Variants in LAMTOR5 observed in about 807,000 individuals in gnomAD.
LAMTOR5 encodes the protein ragulator complex protein LAMTOR5.
A neutral mutation model predicts 12.1 loss-of-function variants in LAMTOR5; 8 were observed. The ratio of observed to expected loss-of-function variants is 0.66; its 90% CI spans 0.39 to 1.19. The LOEUF (loss-of-function observed/expected upper bound fraction) is 1.19, where lower values mean the gene tolerates loss of function less well. LAMTOR5 is among the 50% of genes most tolerant of loss of function. The pLI is 0.01. For missense variants in LAMTOR5, 110 were observed against 112.8 expected, an observed-to-expected ratio of 0.97 and a Z score of 0.11; for synonymous variants, 37 against 41.9, an observed-to-expected ratio of 0.88 and a Z score of 0.45.
chr1:110,407,785 C>T, upstream of LAMTOR5: 2 of 1,614,190 alleles, frequency 1.2e-6, no homozygotes, highest in Non-Finnish European at 8.5e-7. Context: ...GAAAACATCA[C>T]TGCGCTTCCG....
In LAMTOR5 at chr1:110,406,956, G is replaced by C. The variant is rs184735826; in HGVS notation, c.36-577C>G. ...ACAAACACTGCGTGAAAAACATCTA[G>C]GATGTTTTCACTCTTGTTAAAAACG... On this transcript the variant is annotated intron_variant, in intron 1 of 3. Coordinates refer to ENST00000602318, the MANE Select transcript of LAMTOR5 (RefSeq NM_001382293.1). 157 of 626,130 alleles carry C rather than the reference G, an allele frequency of 2.5e-4. No individual in the cohort carries two copies. The East Asian group carries it at 4.4e-3, about 18-fold the overall frequency. The allele number at this position is 626,130 out of a possible 1,614,324, so 38.8% of individuals were successfully genotyped here. A position where few individuals can be genotyped will look rare whatever the true frequency, so the allele number is the denominator to read the frequency against.
chr1:110,407,621 C>T lies in LAMTOR5; in HGVS notation c.-1G>A, dbSNP rs376518235. 1.9e-5 allele frequency: 31 copies of T among 1,614,196 alleles called. No homozygotes were observed. In the South Asian group the frequency reaches 3.4e-4, roughly 18 times the overall value. On this transcript the variant is annotated 5_prime_UTR_variant, in exon 1 of 4. Coordinates refer to ENST00000602318, the MANE Select transcript of LAMTOR5 (RefSeq NM_001382293.1). ...AGTGCTGCTCCAAGGTCGCCTCCAT[C>T]CCACCCACCGACCACTCCGGCTCAG...
intron 1 of LAMTOR5, 195 bp from the exon 2 acceptor site, chr1:110,406,574 C>G: frequency 2.5e-6 from 1 of 394,222 alleles, no homozygotes. Context: ...CCTGTAATCC[C>G]AGCACTTTGG....
chr1:110,407,640 G>A lies in LAMTOR5; in HGVS notation c.-20C>T, dbSNP rs756993252. On this transcript the variant is annotated 5_prime_UTR_variant, in exon 1 of 4. Coordinates refer to ENST00000602318, the MANE Select transcript of LAMTOR5 (RefSeq NM_001382293.1). ...CTCCATCCCACCCACCGACCACTCC[G>A]GCTCAGAACCCAGCGGCACGGCACG... 2 of 1,614,212 alleles carry A rather than the reference G, an allele frequency of 1.2e-6. No individual in the cohort carries two copies. Among genetic ancestry groups the A allele is most frequent in the East Asian group, 2.2e-5 (1 of 44,882 alleles).
chr1:110,407,345 G>A (rs1663354226), intron 1 of LAMTOR5: 2 of 603,028 alleles, frequency 3.3e-6, no homozygotes, highest in Admixed American at 3.0e-5. Context: ...GTTTTGGCCC[G>A]TGGCCTGGGC....
In LAMTOR5 at chr1:110,401,291, T is replaced by C; in HGVS notation, c.*232A>G. 2.7e-6 allele frequency: 1 copy of C among 372,044 alleles called. No homozygotes were observed. The allele number at this position is 372,044 out of a possible 1,614,324, so 23.0% of individuals were successfully genotyped here. Reference sequence around the variant, plus strand: ...AGATTTATTGAATACAGCAAAATTCTATATACAAAGTGACCTGGACCTGCT... The same window carrying C: ...AGATTTATTGAATACAGCAAAATTCCATATACAAAGTGACCTGGACCTGCT... On this transcript the variant is annotated 3_prime_UTR_variant, in exon 4 of 4. Coordinates refer to ENST00000602318, the MANE Select transcript of LAMTOR5 (RefSeq NM_001382293.1).
At chr1:110,403,709 C>A in intron 3 of LAMTOR5, 2 of 563,412 alleles carry the variant, frequency 3.5e-6, no homozygotes, top group South Asian at 4.0e-5. Context: ...TAGCTTCTGC[C>A]AATTCTTATT....
chr1:110,404,903 C>G (rs2101110310), intron 2 of LAMTOR5, among the ~76,000 whole-genome samples: 1 of 151,998 alleles, frequency 6.6e-6, no homozygotes, highest in Admixed American at 6.5e-5. Flanking sequence ...CAAAAATTAT[C>G]TGGGCGTGGT....
rs1663365534 is a variant in LAMTOR5, at chr1:110,407,670, TCTC to T, written c.-53_-51del. Reference sequence around the variant, plus strand: ...AGAACCCAGCGGCACGGCACGTCCTTCTCCACCACAGGCCTCAGTCACTTGACG... The same window carrying T: ...AGAACCCAGCGGCACGGCACGTCCTTCACCACAGGCCTCAGTCACTTGACG... On this transcript the variant is annotated 5_prime_UTR_variant, in exon 1 of 4. Transcript: ENST00000602318. 3 of 1,614,098 alleles carry T rather than the reference TCTC, an allele frequency of 1.9e-6. No individual in the cohort carries two copies. The highest frequency in any genetic ancestry group is 4.5e-5 in the East Asian group (2 of 44,876).
At chr1:110,401,934 A>T (rs1021655061) in intron 3 of LAMTOR5, among the ~76,000 whole-genome samples, 3 of 152,174 alleles carry the variant, frequency 2.0e-5, no homozygotes, top group Non-Finnish European at 2.9e-5. Context: ...TACAAAAAAA[A>T]GGCTTTACTG....
chr1:110,406,171 T>C, intron 2 of LAMTOR5, 147 bp downstream of exon 2: 1 of 461,328 alleles, frequency 2.2e-6, no homozygotes, highest in Non-Finnish European at 3.8e-6. Context: ...TCTGATACTG[T>C]TATTTGGAGA....
At chr1:110,404,664 A>C (rs537714587) in intron 2 of LAMTOR5, among the ~76,000 whole-genome samples, 1 of 152,276 alleles carries the variant, frequency 6.6e-6, no homozygotes, top group African/African-American at 2.4e-5. Context: ...TACCTTTCCA[A>C]ACTTATTTCC....
chr1:110,403,834 A>G (rs1663273166), intron 3 of LAMTOR5, 85 bp downstream of exon 3: 1 of 1,539,760 alleles, frequency 6.5e-7, no homozygotes, highest in African/African-American at 1.4e-5. Context: ...ATAAGGAATC[A>G]CTGATGAACA....
rs138112058 is a variant in LAMTOR5 at position 110,407,654 on chromosome 1, C to G, written c.-34G>C. 1,783 of 1,614,156 alleles carry G rather than the reference C, an allele frequency of 1.1e-3. 21 individuals are homozygous for G. The African/African-American group carries it at 0.022, about 20-fold the overall frequency. ...CCGACCACTCCGGCTCAGAACCCAG[C>G]GGCACGGCACGTCCTTCTCCACCAC... On this transcript the variant is annotated 5_prime_UTR_variant, in exon 1 of 4. Transcript: ENST00000602318.
intron 1 of LAMTOR5, 73 bp from the exon 2 acceptor site, chr1:110,406,452 G>A (rs1294887061): frequency 1.3e-5 from 13 of 996,132 alleles, no homozygotes; most frequent in Admixed American, 1.2e-4. Flanking sequence ...CAAACATACA[G>A]GTGTTCTATG....
At chr1:110,405,193 T>G (rs1663304314) in intron 2 of LAMTOR5, among the ~76,000 whole-genome samples, 1 of 152,022 alleles carries the variant, frequency 6.6e-6, no homozygotes, top group African/African-American at 2.4e-5. Context: ...AGAGTCTCGC[T>G]CTTGTCATCC....
intron 1 of LAMTOR5, chr1:110,407,357 C>T (rs1663354538): frequency 3.2e-6 from 2 of 620,200 alleles, no homozygotes; most frequent in African/African-American, 3.7e-5. Flanking sequence ...GGCCTGGGCC[C>T]GGGAGACTCG....
At chr1:110,407,695 G>A (rs759908023), upstream of LAMTOR5, 3 of 1,614,226 alleles carry the variant, frequency 1.9e-6, no homozygotes, top group African/African-American at 4.0e-5. Context: ...TCAGTCACTT[G>A]ACGCGAGCGG....
intron 1 of LAMTOR5, chr1:110,407,318 C>T (rs1304586754): frequency 1.9e-5 from 11 of 590,538 alleles, no homozygotes; most frequent in Admixed American, 3.0e-5. Context: ...AAGACGATTT[C>T]AACAACGAGA....
Sources: gnomAD v4.1 joint callset for allele counts (sites outside exome capture counted in the v4.1 genomes callset) on GRCh38, gnomAD v4.1.1 for gene constraint, MANE v1.5 for transcripts, NCBI Gene and HGNC (gene_info 2026-07-23, HGNC 2026-07-21) for gene names.